ENO2: variants seen among roughly 807,000 people sequenced by gnomAD.
ENO2 encodes the protein enolase 2.
In ENO2, 19 loss-of-function variants were observed where a neutral mutation model predicts 48.7. The ratio of observed to expected loss-of-function variants is 0.39; its 90% CI spans 0.27 to 0.57. ENO2 has a LOEUF of 0.57. Ranked by LOEUF, ENO2 falls within the 20% of genes least tolerant of loss-of-function variation. The pLI is 0.58. For synonymous variants in ENO2, 198 were observed against 213.4 expected (o/e 0.93, Z 0.63); for missense variants, 416 against 555.0 (o/e 0.75, Z 2.52).
At chr12:6,915,982 A>G (rs918148833) in intron 2 of ENO2, 65 bp downstream of exon 2, 7 of 1,557,180 alleles carry the variant, frequency 4.5e-6, no homozygotes, top group Non-Finnish European at 6.2e-6. Context: ...GGGTTCGGCC[A>G]GGGGTTCGGA....
chr12:6,922,980 C>T lies in ENO2; in HGVS notation c.*180C>T. The T allele has an allele frequency of 3.2e-6, 2 of 616,518 alleles. No homozygotes were observed. Among genetic ancestry groups the T allele is most frequent in the South Asian group, 3.7e-5 (2 of 53,712 alleles). The allele number at this position is 616,518 out of a possible 1,614,324, so 38.2% of individuals were successfully genotyped here. A position where few individuals can be genotyped will look rare whatever the true frequency, so the allele number is the denominator to read the frequency against. On this transcript the variant is annotated 3_prime_UTR_variant, in exon 12 of 12. Coordinates refer to ENST00000229277, the MANE Select transcript of ENO2 (RefSeq NM_001975.3). This position sits in a 1 kb window ranked among gnomAD's most constrained non-coding sequence, Gnocchi z 5.3. ...ACCTCTTGCTGTCTCTGCTCGCCCT[C>T]CTTTCTGTGCCCTACTCATTGGGGT... is the stretch of plus-strand genomic sequence containing the variant.
At chr12:6,915,690 C>T (rs1945283559) in intron 1 of ENO2, 131 bp from the exon 2 acceptor site, 1 of 476,514 alleles carries the variant, frequency 2.1e-6, no homozygotes, top group South Asian at 1.9e-5. Flanking sequence ...GCCAGCGCCT[C>T]CCTACCCACC....
At chr12:6,921,361 C>G in intron 8 of ENO2, 1 of 518,916 alleles carries the variant, frequency 1.9e-6, no homozygotes, top group Non-Finnish European at 3.5e-6. Context: ...CCACTGCACT[C>G]CAGCCTGGAT....
Position 6,916,032 on chromosome 12 carries a change from G to A in ENO2, c.85+115G>A. On this transcript the variant is annotated intron_variant, in intron 2 of 11. Coordinates refer to ENST00000229277, the MANE Select transcript of ENO2 (RefSeq NM_001975.3). This position sits in a 1 kb window ranked among gnomAD's most constrained non-coding sequence, Gnocchi z 4.5. ...CCCAGGGGTATGGGGTGCTGGGCCA[G>A]GCTCACAAGCCTGGGTTGTGGCGGT... 1.3e-5 allele frequency: 14 copies of A among 1,086,148 alleles called. 1 individual carries two copies. In the South Asian group the frequency reaches 1.8e-4, roughly 14 times the overall value. The allele number at this position is 1,086,148 out of a possible 1,614,324, so 67.3% of individuals were successfully genotyped here. A position where few individuals can be genotyped will look rare whatever the true frequency, so the allele number is the denominator to read the frequency against.
Position 6,919,912 on chromosome 12 carries a change from G to T in ENO2, c.865+149G>T. The T allele has an allele frequency of 4.0e-6, 3 of 748,518 alleles. No homozygotes were observed. The South Asian group carries it at 5.5e-5, about 14-fold the overall frequency. 46.4% of individuals were successfully genotyped at this position (748,518 alleles called of 1,614,324 possible). A position where few individuals can be genotyped will look rare whatever the true frequency, so the allele number is the denominator to read the frequency against. ...CAGGGAGAGGGTGCAGGAGCCACCT[G>T]CAAAGACTGGGCTTTGTATGTAGTG... is the stretch of plus-strand genomic sequence containing the variant. On this transcript the variant is annotated intron_variant, in intron 8 of 11. Transcript: ENST00000229277.
intron 1 of ENO2, chr12:6,915,542 TC>T (rs1230150559): frequency 2.5e-6 from 1 of 403,406 alleles, no homozygotes; most frequent in African/African-American, 2.0e-5. Context: ...GCCCCTCCCC[TC>T]CTCACTGCAG....
chr12:6,918,353 ATTT>A (rs111900701), intron 7 of ENO2, among the ~76,000 whole-genome samples, 191 bp downstream of exon 7: 1 of 141,610 alleles, frequency 7.1e-6, no homozygotes, highest in Non-Finnish European at 1.6e-5. Flanking sequence ...GGGGGACAGT[ATTT>A]TTTTTTTTTT....
Position 6,922,234 on chromosome 12 carries a change from T to A in ENO2, c.1176+70T>A. On this transcript the variant is annotated intron_variant, in intron 10 of 11. Transcript: ENST00000229277. This position sits in a 1 kb window ranked among gnomAD's most constrained non-coding sequence, Gnocchi z 5.3. Reference sequence around the variant, plus strand: ...TGGTATTTCTAGCTCACCCACCTGGTCTCTCCTTCCAGGTGTTTGAGGGTG... The same window carrying A: ...TGGTATTTCTAGCTCACCCACCTGGACTCTCCTTCCAGGTGTTTGAGGGTG... The A allele has an allele frequency of 1.2e-6, 2 of 1,601,118 alleles. No homozygotes were observed. Among genetic ancestry groups the A allele is most frequent in the Middle Eastern group, 3.3e-4 (2 of 6,008 alleles).
chr12:6,918,031 G>A lies in ENO2; in HGVS notation c.536G>A (p.Arg179Gln), dbSNP rs782529262. The A allele has an allele frequency of 3.1e-5, 50 of 1,614,032 alleles. No individual in the cohort carries two copies. The highest frequency in any genetic ancestry group is 4.0e-5 in the African/African-American group (3 of 74,918). The change falls in exon 7 of 12, where the codon CGG becomes CAG. Residue 179 changes from arginine to glutamine, a missense_variant. Physicochemically the swap from Arg to Gln is conservative, Grantham distance 43. Coordinates refer to ENST00000229277, the MANE Select transcript of ENO2 (RefSeq NM_001975.3). The part of the protein sequence containing the change: ...MILPVGAESF[R>Q]DAMRLGAEVY... Reference sequence around the variant, plus strand: ...CTCCCAGTGGGAGCTGAGAGCTTTCGGGATGCCATGCGACTAGGTGCAGAG... The same window carrying A: ...CTCCCAGTGGGAGCTGAGAGCTTTCAGGATGCCATGCGACTAGGTGCAGAG...
chr12:6,922,134 T>C lies in ENO2; in HGVS notation c.1146T>C (p.Ala382=). Residue 382 remains alanine (A), a synonymous_variant, in exon 10 of 12, where the codon GCT becomes GCC. Coordinates refer to ENST00000229277, the MANE Select transcript of ENO2 (RefSeq NM_001975.3). This position sits in a 1 kb window ranked among gnomAD's most constrained non-coding sequence, Gnocchi z 5.3. ...RSGETEDTFI[A]DLVVGLCTGQ... is the part of the protein sequence containing the mutation. ...GAGAGACTGAGGACACATTCATTGCTGACCTGGTGGTGGGGCTGTGCACAG... is the reference window on the plus strand; with the variant it reads ...GAGAGACTGAGGACACATTCATTGCCGACCTGGTGGTGGGGCTGTGCACAG... 6.2e-7 allele frequency: 1 copy of C among 1,614,118 alleles called. No homozygotes were observed. The highest frequency in any genetic ancestry group is 8.5e-7 in the Non-Finnish European group (1 of 1,180,010).
intron 8 of ENO2, among the ~76,000 whole-genome samples, chr12:6,920,710 TA>T (rs1945333000): frequency 7.7e-6 from 1 of 130,290 alleles, no homozygotes; most frequent in Non-Finnish European, 1.7e-5. Context: ...GGTTTGCTTT[TA>T]ATTAACTTTT....
Position 6,922,286 on chromosome 12 carries a change from T to G in ENO2, c.1177-58T>G. On this transcript the variant is annotated intron_variant, in intron 10 of 11. Coordinates refer to ENST00000229277, the MANE Select transcript of ENO2 (RefSeq NM_001975.3). This position sits in a 1 kb window ranked among gnomAD's most constrained non-coding sequence, Gnocchi z 5.3. ...CAGGGGAGTTTCAGGAGAGCAGAAG[T>G]TTCCTTTCAGGGGTGAGAGGGCAGT... The G allele has an allele frequency of 1.9e-6, 3 of 1,613,564 alleles. No individual in the cohort carries two copies. The highest frequency in any genetic ancestry group is 2.5e-6 in the Non-Finnish European group (3 of 1,179,564).
Position 6,922,858 on chromosome 12 carries a change from T to G in ENO2, c.*58T>G. On this transcript the variant is annotated 3_prime_UTR_variant, in exon 12 of 12. Transcript: ENST00000229277. The surrounding 1 kb of genome is among the most constrained non-coding windows in gnomAD (Gnocchi z 5.3). ...GTCTCATCCTCCTGGAACCTTGCTG[T>G]CCTGATCTGTGATAGTTCACCCCCT... The G allele has an allele frequency of 6.3e-7, 1 of 1,594,270 alleles. No homozygotes were observed. The highest frequency in any genetic ancestry group is 8.6e-7 in the Non-Finnish European group (1 of 1,163,246).
At position 6,921,799 on chromosome 12, in the gene ENO2, C is replaced by G. The variant is rs55869000; in HGVS notation, c.1067+17C>G. On this transcript the variant is annotated intron_variant, in intron 9 of 11. Coordinates refer to ENST00000229277, the MANE Select transcript of ENO2 (RefSeq NM_001975.3). ...CATCCAAGCGTGAGTGACTTCTGGC[C>G]CTCTCCTGTGTGGTCCTCGTTTCTA... The G allele has an allele frequency of 1.2e-3, 1,885 of 1,613,268 alleles. 1 individual carries two copies. The highest frequency in any genetic ancestry group is 1.5e-3 in the Non-Finnish European group (1,769 of 1,179,630).
At position 6,922,225 on chromosome 12, in the gene ENO2, C is replaced by G. The variant is rs1464326667; in HGVS notation, c.1176+61C>G. 8 of 1,603,200 alleles carry G rather than the reference C, an allele frequency of 5.0e-6. No homozygotes were observed. The Admixed American group carries it at 1.3e-4, about 27-fold the overall frequency. ...CTGTGGGATTGGTATTTCTAGCTCA[C>G]CCACCTGGTCTCTCCTTCCAGGTGT... is the stretch of plus-strand genomic sequence containing the variant. On this transcript the variant is annotated intron_variant, in intron 10 of 11. Coordinates refer to ENST00000229277, the MANE Select transcript of ENO2 (RefSeq NM_001975.3). This position sits in a 1 kb window ranked among gnomAD's most constrained non-coding sequence, Gnocchi z 5.3.
chr12:6,918,966 AGC>A (rs1231693449), intron 7 of ENO2, among the ~76,000 whole-genome samples: 1 of 139,868 alleles, frequency 7.1e-6, no homozygotes, highest in African/African-American at 2.8e-5. Context: ...TGGGCAACAG[AGC>A]GAGACTCCGT....
intron 8 of ENO2, 45 bp from the exon 9 acceptor site, chr12:6,921,536 G>A: frequency 6.2e-7 from 1 of 1,601,132 alleles, no homozygotes; most frequent in African/African-American, 1.3e-5. Flanking sequence ...TAGAGACCCA[G>A]GGAAGATGAA....
At chr12:6,921,979 G>T (rs1945345175) in intron 9 of ENO2, 77 bp from the exon 10 acceptor site, 10 of 1,592,524 alleles carry the variant, frequency 6.3e-6, no homozygotes, top group Non-Finnish European at 8.6e-7. Flanking sequence ...GATGTTTCCT[G>T]ACATAGACCA....
chr12:6,916,047 G>C lies in ENO2; in HGVS notation c.85+130G>C. The stretch of plus-strand genomic sequence containing the variant: ...TGCTGGGCCAGGCTCACAAGCCTGG[G>C]TTGTGGCGGTTGGATCCTCCTTGTC... On this transcript the variant is annotated intron_variant, in intron 2 of 11. Transcript: ENST00000229277. This position sits in a 1 kb window ranked among gnomAD's most constrained non-coding sequence, Gnocchi z 4.5. 1.1e-6 allele frequency: 1 copy of C among 908,428 alleles called. No homozygotes were observed. Among genetic ancestry groups the C allele is most frequent in the Non-Finnish European group, 1.7e-6 (1 of 585,798 alleles). 56.3% of individuals were successfully genotyped at this position (908,428 alleles called of 1,614,324 possible).
Sources: gnomAD v4.1 joint callset for allele counts (sites outside exome capture counted in the v4.1 genomes callset) on GRCh38, gnomAD v4.1.1 for gene constraint, Gnocchi (gnomAD v3.1) non-coding constraint, MANE v1.5 for transcripts, NCBI Gene and HGNC (gene_info 2026-07-23, HGNC 2026-07-21) for gene names.